Variants in CSMD1 observed in about 807,000 individuals in gnomAD.
The protein encoded by CSMD1 is CUB and sushi domain-containing protein 1.
CSMD1 carries 213 observed loss-of-function variants against 417.5 expected under a neutral mutation model. That is an observed-to-expected ratio of 0.51 (90% confidence interval 0.46 to 0.57). The LOEUF is 0.57. Ranked by LOEUF, CSMD1 falls within the 20% of genes least tolerant of loss-of-function variation. The probability of loss-of-function intolerance (pLI) is 0.00; values close to 1 mark genes in which losing one functional copy is unlikely to be tolerated. For missense variants in CSMD1, 6,923 were observed against 4,529.7 expected (o/e 1.53, Z -15.17); for synonymous variants, 2,862 against 1,736.8 (o/e 1.65, Z -16.11).
intron 2 of CSMD1, among the ~76,000 whole-genome samples, chr8:4,583,054 C>G (rs922396428): frequency 6.6e-6 from 1 of 152,218 alleles, no homozygotes; most frequent in Non-Finnish European, 1.5e-5. Context: ...CCGGCGTTAG[C>G]TGCCTTCCCG....
chr8:3,984,996 G>A (rs1048356166), intron 5 of CSMD1, among the ~76,000 whole-genome samples: 1 of 151,958 alleles, frequency 6.6e-6, no homozygotes, highest in Admixed American at 6.6e-5. Flanking sequence ...TCCGATACTG[G>A]GAAAATCACG....
chr8:3,795,096 T>G lies in CSMD1; in HGVS notation c.819-41054A>C, dbSNP rs796521674. On this transcript the variant is annotated intron_variant, in intron 5 of 69. Transcript: ENST00000635120. ...TATCATGTACAGCTATAGATATATA[T>G]CTATCATGTACAGCTATAGATATCT... Among the ~76,000 whole-genome samples the G allele has an allele frequency of 1.5e-3, 157 of 104,982 alleles. 6 individuals are homozygous for G. The highest frequency in any genetic ancestry group is 3.8e-3 in the South Asian group (12 of 3,124). 68.9% of individuals were successfully genotyped at this position (104,982 alleles called of 152,430 possible).
chr8:4,548,201 C>A (rs564262720), intron 2 of CSMD1, among the ~76,000 whole-genome samples: 1 of 151,942 alleles, frequency 6.6e-6, no homozygotes, highest in Non-Finnish European at 1.5e-5. Flanking sequence ...AACATAGCGC[C>A]GTCAAAAATT....
rs1168142569 is a variant in CSMD1, at chr8:3,396,182, G to T, written c.2593+12C>A. Reference sequence around the variant, plus strand: ...CTGCCCTGCCGGGCTGTCAAGGGAAGGTGCAACTCACTCTCATAGTGGATG... The same window carrying T: ...CTGCCCTGCCGGGCTGTCAAGGGAATGTGCAACTCACTCTCATAGTGGATG... On this transcript the variant is annotated intron_variant, in intron 17 of 69. Coordinates refer to ENST00000635120, the MANE Select transcript of CSMD1 (RefSeq NM_033225.6). The T allele has an allele frequency of 1.9e-6, 3 of 1,554,240 alleles. No individual in the cohort carries two copies. The highest frequency in any genetic ancestry group is 1.7e-6 in the Non-Finnish European group (2 of 1,148,918).
At chr8:4,256,630 A>C (rs975264761) in intron 3 of CSMD1, among the ~76,000 whole-genome samples, 2 of 152,196 alleles carry the variant, frequency 1.3e-5, no homozygotes, top group African/African-American at 4.8e-5. Context: ...AGTGAGACCC[A>C]TGAAAGGGGG....
At chr8:3,320,665 C>T (rs1048133815) in intron 23 of CSMD1, among the ~76,000 whole-genome samples, 1 of 152,172 alleles carries the variant, frequency 6.6e-6, no homozygotes, top group Non-Finnish European at 1.5e-5. Context: ...GACGCAAGAG[C>T]GCAGTTCCTC....
chr8:3,724,865 T>C lies in CSMD1; in HGVS notation c.932-16374A>G, dbSNP rs1376487383. On this transcript the variant is annotated intron_variant, in intron 6 of 69. Coordinates refer to ENST00000635120, the MANE Select transcript of CSMD1 (RefSeq NM_033225.6). Reference sequence around the variant, plus strand: ...TGATGGCAGATATCAGAAGCTTTACTTTAAAATTCAGACTATTGTCGCTAT... The same window carrying C: ...TGATGGCAGATATCAGAAGCTTTACCTTAAAATTCAGACTATTGTCGCTAT... 1.1e-4 allele frequency among the ~76,000 whole-genome samples: 16 copies of C among 152,238 alleles called. 1 individual carries two copies. The highest frequency in any genetic ancestry group is 1.0e-3 in the Admixed American group (16 of 15,282).
At chr8:4,273,454 C>A (rs2128853471) in intron 3 of CSMD1, among the ~76,000 whole-genome samples, 1 of 152,094 alleles carries the variant, frequency 6.6e-6, no homozygotes, top group African/African-American at 2.4e-5. Flanking sequence ...TCTGGGGTTT[C>A]AGAAGCAAAT....
intron 3 of CSMD1, among the ~76,000 whole-genome samples, chr8:4,284,368 C>A (rs887976829): frequency 7.2e-6 from 1 of 139,832 alleles, no homozygotes; most frequent in African/African-American, 2.6e-5. Flanking sequence ...AACTACAACC[C>A]CCCCCACCCA....
intron 21 of CSMD1, among the ~76,000 whole-genome samples, chr8:3,355,472 A>C (rs1808717343): frequency 6.6e-6 from 1 of 152,194 alleles, no homozygotes; most frequent in Non-Finnish European, 1.5e-5. Flanking sequence ...AAATGTGCTA[A>C]GCCAATCACG....
intron 3 of CSMD1, among the ~76,000 whole-genome samples, chr8:4,095,890 A>G (rs991004968): frequency 2.0e-5 from 3 of 152,212 alleles, no homozygotes; most frequent in Admixed American, 6.5e-5. Flanking sequence ...TTAAGAGTAG[A>G]AACTTTATAC....
chr8:3,553,466 A>G (rs1044049743), intron 10 of CSMD1, among the ~76,000 whole-genome samples: 7 of 152,202 alleles, frequency 4.6e-5, no homozygotes, highest in Non-Finnish European at 8.8e-5. Flanking sequence ...TACTATGAAA[A>G]AAATTTGAAG....
intron 2 of CSMD1, among the ~76,000 whole-genome samples, chr8:4,551,314 T>C (rs1217649471): frequency 6.6e-6 from 1 of 152,084 alleles, no homozygotes; most frequent in African/African-American, 2.4e-5. Flanking sequence ...TCTCTTGTCT[T>C]CTCATGGTCC....
At chr8:4,575,756 C>A (rs147663117) in intron 2 of CSMD1, among the ~76,000 whole-genome samples, 1 of 152,314 alleles carries the variant, frequency 6.6e-6, no homozygotes, top group Non-Finnish European at 1.5e-5. Context: ...TTCTCTCATA[C>A]TCCACAAGTG....
intron 3 of CSMD1, among the ~76,000 whole-genome samples, chr8:4,344,581 T>C (rs990993721): frequency 6.0e-5 from 9 of 151,254 alleles, no homozygotes; most frequent in Non-Finnish European, 7.4e-5. Flanking sequence ...TAAGTATATA[T>C]ATGACAATGA....
At chr8:4,043,100 T>G (rs918210182) in intron 3 of CSMD1, among the ~76,000 whole-genome samples, 3 of 151,900 alleles carry the variant, frequency 2.0e-5, no homozygotes, top group Non-Finnish European at 4.4e-5. Flanking sequence ...CCACTGCACT[T>G]CCAGCCTGGG....
At chr8:3,532,738 T>A (rs1798034258) in intron 10 of CSMD1, among the ~76,000 whole-genome samples, 6 of 152,226 alleles carry the variant, frequency 3.9e-5, no homozygotes. Context: ...GTATGTCATA[T>A]CTATTGATCA....
At chr8:3,695,419 C>A (rs979474114) in intron 7 of CSMD1, among the ~76,000 whole-genome samples, 6 of 151,912 alleles carry the variant, frequency 3.9e-5, no homozygotes, top group Non-Finnish European at 7.4e-5. Context: ...TAGGTACACT[C>A]CAATTAATCC....
chr8:4,557,749 T>C (rs758617283), intron 2 of CSMD1, among the ~76,000 whole-genome samples: 1 of 150,876 alleles, frequency 6.6e-6, no homozygotes, highest in Non-Finnish European at 1.5e-5. Context: ...ATTTCAAAGG[T>C]GTTTGACAGC....
Sources: gnomAD v4.1 joint callset for allele counts (sites outside exome capture counted in the v4.1 genomes callset) on GRCh38, gnomAD v4.1.1 for gene constraint, MANE v1.5 for transcripts, NCBI Gene and HGNC (gene_info 2026-07-23, HGNC 2026-07-21) for gene names.